The following PRKAR1A variants were observed in gnomAD, a reference collection of about 807,000 sequenced individuals.
The protein encoded by PRKAR1A is cAMP-dependent protein kinase type I-alpha regulatory subunit.
A neutral mutation model predicts 52.0 loss-of-function variants in PRKAR1A; 3 were observed. The observed-to-expected ratio is 0.06, with a 90% CI of 0.03 to 0.15. The LOEUF (loss-of-function observed/expected upper bound fraction) is 0.15. Among genes scored for constraint, PRKAR1A ranks in the 10% least tolerant of loss-of-function variants. PRKAR1A has a pLI of 1.00. For synonymous variants in PRKAR1A, 188 were observed against 168.4 expected, an observed-to-expected ratio of 1.12 and a Z score of -0.90; for missense variants, 240 against 477.4, an observed-to-expected ratio of 0.50 and a Z score of 4.63.
At chr17:68,534,560 C>CTTTTTTTTTTTTTTTTTTTTTTT (rs34994040), downstream of PRKAR1A, among the ~76,000 whole-genome samples, 1 of 111,052 alleles carries the variant, frequency 9.0e-6, no homozygotes. Flanking sequence ...TTTTTAGTGC[C>CTTTTTTTTTTTTTTTTTTTTTTT]TTTTTTTTTT....
At chr17:68,458,065 C>T in the PRKAR1A span, among the ~76,000 whole-genome samples, 4 of 152,162 alleles carry the variant, frequency 2.6e-5, no homozygotes, top group Non-Finnish European at 5.9e-5. Context: ...CGTTAGACTC[C>T]AAAGCCCCAC....
At chr17:68,447,984 CAAAAAAA>C in the PRKAR1A span, among the ~76,000 whole-genome samples, 4 of 80,284 alleles carry the variant, frequency 5.0e-5, no homozygotes, top group South Asian at 4.4e-4. Flanking sequence ...GACTCTATCT[CAAAAAAA>C]AAAAAAAAAA....
chr17:68,545,030 A>G (rs2086483455), intron 11 of PRKAR1A, among the ~76,000 whole-genome samples: 1 of 152,238 alleles, frequency 6.6e-6, no homozygotes, highest in South Asian at 2.1e-4. Context: ...TTATGTTCCT[A>G]ATGTATATTT....
the PRKAR1A span, chr17:68,420,544 C>A: frequency 6.9e-7 from 1 of 1,458,300 alleles, no homozygotes; most frequent in Non-Finnish European, 9.5e-7. Flanking sequence ...ACCCTCTTTA[C>A]AAACACACGC....
At chr17:68,457,312 C>T in the PRKAR1A span, 1 of 1,539,678 alleles carries the variant, frequency 6.5e-7, no homozygotes, top group Admixed American at 2.0e-5. Context: ...TGTCCCCCAC[C>T]TCCCTGGCAG....
At chr17:68,478,478 CA>C in the PRKAR1A span, among the ~76,000 whole-genome samples, 1 of 152,070 alleles carries the variant, frequency 6.6e-6, no homozygotes, top group South Asian at 2.1e-4. Flanking sequence ...CAACAAAAAA[CA>C]AACCAAAAAA....
chr17:68,488,251 A>G, the PRKAR1A span, among the ~76,000 whole-genome samples: 1 of 152,174 alleles, frequency 6.6e-6, no homozygotes, highest in Admixed American at 6.5e-5. Context: ...CTGTGGCTGG[A>G]GAAAGGTGGG....
chr17:68,540,870 C>T, intron 11 of PRKAR1A: 1 of 1,603,164 alleles, frequency 6.2e-7, no homozygotes, highest in Non-Finnish European at 8.5e-7. Context: ...TCGAAGATGG[C>T]CATGTCGATG....
At chr17:68,470,736 T>C in the PRKAR1A span, among the ~76,000 whole-genome samples, 1 of 152,242 alleles carries the variant, frequency 6.6e-6, no homozygotes, top group South Asian at 2.1e-4. Context: ...TTGTGAAGCA[T>C]GCACTGTGTG....
chr17:68,502,687 G>T, the PRKAR1A span, among the ~76,000 whole-genome samples: 2 of 151,152 alleles, frequency 1.3e-5, no homozygotes, highest in East Asian at 3.9e-4. Context: ...GGGAGGTGGA[G>T]GTTGCAGTGA....
At chr17:68,450,845 C>T in the PRKAR1A span, 1 of 1,614,168 alleles carries the variant, frequency 6.2e-7, no homozygotes, top group South Asian at 1.1e-5. Flanking sequence ...TGACTACCAC[C>T]ACCAGGCTGC....
At chr17:68,514,484 C>T (rs1480898373) in intron 1 of PRKAR1A, among the ~76,000 whole-genome samples, 1 of 152,112 alleles carries the variant, frequency 6.6e-6, no homozygotes, top group Admixed American at 6.5e-5. Flanking sequence ...GTTAGCTGCT[C>T]ATCATTATCT....
the PRKAR1A span, among the ~76,000 whole-genome samples, chr17:68,500,225 G>C: frequency 2.0e-5 from 3 of 152,176 alleles, no homozygotes; most frequent in Non-Finnish European, 2.9e-5. Context: ...ATCTCATCTT[G>C]AATTGTAGCT....
chr17:68,530,195 T>C (rs1317205691), intron 10 of PRKAR1A, 82 bp from the exon 11 acceptor site: 1 of 1,549,648 alleles, frequency 6.5e-7, no homozygotes, highest in Non-Finnish European at 8.9e-7. Flanking sequence ...TCATATCTAT[T>C]GTCTTCTTTC....
Position 68,528,910 on chromosome 17 carries a change from A to T in PRKAR1A, c.810A>T (p.Ala270=). 6.2e-7 allele frequency: 1 copy of T among 1,614,050 alleles called. No homozygotes were observed. Among genetic ancestry groups the T allele is most frequent in the Non-Finnish European group, 8.5e-7 (1 of 1,179,906 alleles). Residue 270 remains alanine, a synonymous_variant, in exon 9 of 11, where the codon GCA becomes GCT. Coordinates refer to ENST00000589228, the MANE Select transcript of PRKAR1A (RefSeq NM_002734.5). ...GGGAACGTCTTACGGTAGCTGATGC[A>T]TTGGAACCAGTGCAGTTTGAAGATG... ...DKWERLTVAD[A]LEPVQFEDGQ...
At chr17:68,547,286 T>C (rs532269123) in intron 11 of PRKAR1A, among the ~76,000 whole-genome samples, 1 of 152,302 alleles carries the variant, frequency 6.6e-6, no homozygotes, top group South Asian at 2.1e-4. Flanking sequence ...TATTTTTTTA[T>C]TATACTTTAA....
chr17:68,539,866 C>T (rs1600517640), intron 11 of PRKAR1A: 3 of 1,612,650 alleles, frequency 1.9e-6, no homozygotes, highest in Non-Finnish European at 2.5e-6. Flanking sequence ...GATTGTTGAA[C>T]ACACGTGGGG....
chr17:68,477,539 T>C, the PRKAR1A span, among the ~76,000 whole-genome samples: 2 of 152,218 alleles, frequency 1.3e-5, no homozygotes, highest in African/African-American at 4.8e-5. Flanking sequence ...TTGACAGATA[T>C]CTTTTTTCCC....
chr17:68,436,800 A>G, the PRKAR1A span, among the ~76,000 whole-genome samples: 3 of 152,030 alleles, frequency 2.0e-5, no homozygotes, highest in East Asian at 5.8e-4. Flanking sequence ...AGTTCCAGAC[A>G]AGCCTGGCCA....
Sources: gnomAD v4.1 joint callset for allele counts (sites outside exome capture counted in the v4.1 genomes callset) on GRCh38, gnomAD v4.1.1 for gene constraint, MANE v1.5 for transcripts, NCBI Gene and HGNC (gene_info 2026-07-23, HGNC 2026-07-21) for gene names.